The following ZNF169 variants were observed in gnomAD, a reference collection of about 807,000 sequenced individuals.
ZNF169 encodes the protein zinc finger protein 169.
A neutral mutation model predicts 12.0 loss-of-function variants in ZNF169; 11 were observed. The ratio of observed to expected loss-of-function variants is 0.92; its 90% confidence interval spans 0.58 to 1.52. The LOEUF (loss-of-function observed/expected upper bound fraction) is 1.52, where lower values mean the gene tolerates loss of function less well. ZNF169 is among the 40% of genes most tolerant of loss of function. ZNF169 has a pLI of 0.00. For missense variants in ZNF169, 722 were observed against 744.0 expected (o/e 0.97, Z 0.34); for synonymous variants, 302 against 286.5 (o/e 1.05, Z -0.55).
chr9:94,281,495 T>C (rs1462371334), intron 2 of ZNF169, among the ~76,000 whole-genome samples: 1 of 152,172 alleles, frequency 6.6e-6, no homozygotes, highest in Non-Finnish European at 1.5e-5. Context: ...ATTTAGAAAG[T>C]TTATTTTGCC....
chr9:94,293,420 ATTTTTAT>A, intron 4 of ZNF169: 1 of 584,364 alleles, frequency 1.7e-6, no homozygotes, highest in Admixed American at 3.1e-5. Flanking sequence ...TTTTATTTTT[ATTTTTAT>A]TTTTTTTGAG....
chr9:94,261,994 A>G (rs1397994537), intron 1 of ZNF169, among the ~76,000 whole-genome samples: 3 of 152,200 alleles, frequency 2.0e-5, no homozygotes, highest in African/African-American at 7.2e-5. Context: ...TTGTTTCCGT[A>G]TTTGTCTCAA....
intron 1 of ZNF169, among the ~76,000 whole-genome samples, chr9:94,264,739 C>T (rs1042476792): frequency 1.3e-5 from 2 of 152,140 alleles, no homozygotes; most frequent in Admixed American, 1.3e-4. Flanking sequence ...AACTGATTTG[C>T]TCCCTATCAC....
intron 4 of ZNF169, chr9:94,299,459 A>G (rs1831011388): frequency 1.0e-6 from 1 of 1,002,866 alleles, no homozygotes; most frequent in South Asian, 4.3e-5. Context: ...TCAGACACCA[A>G]GTTCTTGGCT....
intron 1 of ZNF169, among the ~76,000 whole-genome samples, chr9:94,270,222 A>G (rs1830364812): frequency 1.3e-5 from 2 of 152,154 alleles, no homozygotes; most frequent in Admixed American, 6.5e-5. Flanking sequence ...GCCTGTCACA[A>G]TCCTACCAGG....
At position 94,268,013 on chromosome 9, in the gene ZNF169, G is replaced by A. The variant is rs1165982405; in HGVS notation, c.-56+8668G>A. Among the ~76,000 whole-genome samples, 4 of 151,554 alleles carry A rather than the reference G, an allele frequency of 2.6e-5. No individual in the cohort carries two copies. The South Asian group carries it at 6.3e-4, about 24-fold the overall frequency. ...CCTGAGTAGCTGGGGTTACAGGCAT[G>A]TGCCACCATACCCAGCTAATTTTTT... On this transcript the variant is annotated intron_variant, in intron 1 of 4. Transcript: ENST00000395395.
At chr9:94,259,804 G>A (rs1178813741) in intron 1 of ZNF169, among the ~76,000 whole-genome samples, 1 of 152,222 alleles carries the variant, frequency 6.6e-6, no homozygotes, top group African/African-American at 2.4e-5. Flanking sequence ...TGGAGGACAT[G>A]ATATCCTCGG....
chr9:94,260,614 T>C (rs561786107), intron 1 of ZNF169, among the ~76,000 whole-genome samples: 5 of 152,174 alleles, frequency 3.3e-5, no homozygotes, highest in Admixed American at 1.3e-4. Flanking sequence ...GGGGGCGTGC[T>C]TGTATCCAGA....
intron 1 of ZNF169, among the ~76,000 whole-genome samples, chr9:94,276,539 G>A (rs187917148): frequency 6.0e-4 from 91 of 152,204 alleles, no homozygotes; most frequent in African/African-American, 1.5e-3. Context: ...GATTACAGAC[G>A]TGAGCCACTG....
chr9:94,299,211 T>C (rs749611486), intron 4 of ZNF169, among the ~76,000 whole-genome samples: 1 of 152,218 alleles, frequency 6.6e-6, no homozygotes, highest in Non-Finnish European at 1.5e-5. Context: ...TCAAGAGGAC[T>C]TAAGGGTGTC....
At position 94,293,030 on chromosome 9, in the gene ZNF169, T is replaced by C; in HGVS notation, c.217T>C (p.Trp73Arg). 6.2e-7 allele frequency: 1 copy of C among 1,613,594 alleles called. No homozygotes were observed. The highest frequency in any genetic ancestry group is 8.5e-7 in the Non-Finnish European group (1 of 1,179,794). Residue 73 changes from tryptophan to arginine, a missense_variant, in exon 4 of 5, where the codon TGG (tryptophan) becomes CGG (arginine). Coordinates refer to ENST00000395395, the MANE Select transcript of ZNF169 (RefSeq NM_194320.4). ...ACAGCTGGAGCAAGGCGACGAACCTTGGAGAGAGGAGAACGAACATCTTCT... is the reference window on the plus strand; with the variant it reads ...ACAGCTGGAGCAAGGCGACGAACCTCGGAGAGAGGAGAACGAACATCTTCT... ...IEQLEQGDEP[W>R]REENEHLLDL...
In ZNF169 at chr9:94,263,581, G is replaced by A. The variant is rs899512008; in HGVS notation, c.-56+4236G>A. 1.2e-4 allele frequency among the ~76,000 whole-genome samples: 18 copies of A among 149,460 alleles called. No homozygotes were observed. The South Asian group carries it at 3.6e-3, about 30-fold the overall frequency. On this transcript the variant is annotated intron_variant, in intron 1 of 4. Transcript: ENST00000395395. The stretch of plus-strand genomic sequence containing the variant: ...TTTTTTATTTATTTTTAGAGACGAT[G>A]TTTTGCTGTGTTGCCCAGGCTATTC...
intron 2 of ZNF169, chr9:94,288,353 A>T (rs1257161975): frequency 9.2e-7 from 1 of 1,086,256 alleles, no homozygotes; most frequent in East Asian, 2.4e-5. Context: ...GCCAGGCCAT[A>T]TTCAGTCCAT....
At chr9:94,281,683 G>A (rs372425721) in intron 2 of ZNF169, among the ~76,000 whole-genome samples, 19 of 152,260 alleles carry the variant, frequency 1.2e-4, no homozygotes, top group East Asian at 3.9e-4. Flanking sequence ...GGCATGAGAC[G>A]TCAATCAAAT....
At chr9:94,288,367 T>A in intron 2 of ZNF169, 1 of 1,222,146 alleles carries the variant, frequency 8.2e-7, no homozygotes, top group Non-Finnish European at 1.2e-6. Context: ...AGTCCATCTG[T>A]ACTTGGTTTC....
chr9:94,259,547 G>A (rs536101664), intron 1 of ZNF169, among the ~76,000 whole-genome samples: 19 of 152,356 alleles, frequency 1.2e-4, no homozygotes, highest in East Asian at 3.9e-4. Context: ...AGGTCCTCTG[G>A]TGGGGAGGGG....
chr9:94,265,629 T>G (rs774716514), intron 1 of ZNF169, among the ~76,000 whole-genome samples: 8 of 151,918 alleles, frequency 5.3e-5, no homozygotes, highest in Non-Finnish European at 8.8e-5. Context: ...TAACAAGCTA[T>G]ATCTCTATGT....
intron 1 of ZNF169, among the ~76,000 whole-genome samples, chr9:94,263,601 C>A (rs1830241991): frequency 1.3e-5 from 2 of 151,546 alleles, no homozygotes. Flanking sequence ...GTTGCCCAGG[C>A]TATTCTCCAA....
intron 1 of ZNF169, among the ~76,000 whole-genome samples, chr9:94,277,653 C>T (rs990826975): frequency 9.9e-5 from 15 of 152,030 alleles, no homozygotes; most frequent in African/African-American, 3.4e-4. Context: ...AAATCAGGGC[C>T]GGGCACGGTG....
Sources: gnomAD v4.1 joint callset for allele counts (sites outside exome capture counted in the v4.1 genomes callset) on GRCh38, gnomAD v4.1.1 for gene constraint, MANE v1.5 for transcripts, NCBI Gene and HGNC (gene_info 2026-07-23, HGNC 2026-07-21) for gene names.